Variants in MTREX observed in about 807,000 individuals in gnomAD.
MTREX encodes the protein exosome RNA helicase MTR4.
A neutral mutation model predicts 135.4 loss-of-function variants in MTREX; 76 were observed. That is an observed-to-expected ratio of 0.56 (90% CI 0.47 to 0.68). The LOEUF (loss-of-function observed/expected upper bound fraction) is 0.68, where lower values mean the gene tolerates loss of function less well. MTREX is among the 30% of genes least tolerant of loss of function. The probability of loss-of-function intolerance (pLI) is 0.00; values close to 1 mark genes in which losing one functional copy is unlikely to be tolerated. For missense variants in MTREX, 920 were observed against 1,262.1 expected (o/e 0.73, Z 4.11); for synonymous variants, 404 against 401.6 (o/e 1.01, Z -0.07).
At chr5:55,410,848 T>A (rs1173858810) in intron 23 of MTREX, among the ~76,000 whole-genome samples, 3 of 152,190 alleles carry the variant, frequency 2.0e-5, no homozygotes, top group African/African-American at 7.2e-5. Context: ...ACAATCACCA[T>A]TAATTAGATT....
At chr5:55,311,326 A>G (rs1166246019) in intron 1 of MTREX, among the ~76,000 whole-genome samples, 1 of 152,182 alleles carries the variant, frequency 6.6e-6, no homozygotes, top group Non-Finnish European at 1.5e-5. Flanking sequence ...CTGAATCTGC[A>G]GTGAGATGTC....
chr5:55,324,007 T>G, intron 2 of MTREX, 125 bp from the exon 3 acceptor site: 1 of 660,884 alleles, frequency 1.5e-6, no homozygotes, highest in Non-Finnish European at 2.7e-6. Context: ...ATAGCCAAAG[T>G]TTTTCCTATT....
rs1561216428 is a variant in MTREX at position 55,424,767 on chromosome 5, T to C, written c.3124T>C (p.Leu1042=). The part of the protein sequence containing the change: ...RDIVFAASLY[L] ...TATTGTGTTTGCTGCCAGCCTCTAC[T>C]TGTAGAGTCAGCTAAAGGAATGTGA... is the stretch of plus-strand genomic sequence containing the variant. Residue 1042 remains leucine, a synonymous_variant, in exon 27 of 27, where the codon TTG becomes CTG. Transcript: ENST00000230640. 1.2e-6 allele frequency: 2 copies of C among 1,608,292 alleles called. No homozygotes were observed. Among genetic ancestry groups the C allele is most frequent in the Non-Finnish European group, 1.7e-6 (2 of 1,174,720 alleles).
intron 22 of MTREX, among the ~76,000 whole-genome samples, chr5:55,408,917 T>TTTTATTTA (rs140029940): frequency 8.0e-4 from 115 of 144,328 alleles, no homozygotes; most frequent in East Asian, 3.6e-3. Context: ...TGAACAATAT[T>TTTTATTTA]TTTATTTATT....
chr5:55,412,395 A>G (rs982846250), intron 23 of MTREX, among the ~76,000 whole-genome samples: 5 of 152,246 alleles, frequency 3.3e-5, no homozygotes, highest in African/African-American at 1.2e-4. Context: ...AAGTGCATAC[A>G]AAAATTTATT....
At chr5:55,376,792 G>C (rs557910150) in intron 16 of MTREX, among the ~76,000 whole-genome samples, 6 of 152,234 alleles carry the variant, frequency 3.9e-5, no homozygotes, top group African/African-American at 1.4e-4. Flanking sequence ...TTTATAGGTC[G>C]GGTGTGGTGG....
In MTREX at chr5:55,425,373, G is replaced by A. The variant is rs758396057; in HGVS notation, c.*601G>A. 3.3e-6 allele frequency: 5 copies of A among 1,521,004 alleles called. No individual in the cohort carries two copies. The African/African-American group carries it at 7.0e-5, about 21-fold the overall frequency. The allele number at this position is 1,521,004 out of a possible 1,614,324, so 94.2% of individuals were successfully genotyped here. A position where few individuals can be genotyped will look rare whatever the true frequency, so the allele number is the denominator to read the frequency against. On this transcript the variant is annotated 3_prime_UTR_variant, in exon 27 of 27. Transcript: ENST00000230640. ...TATTTAATGGTATAATTTAGATCAA[G>A]TTAAAAACTACATACAAAGTTGTGA...
chr5:55,405,432 T>C lies in MTREX; in HGVS notation c.2489T>C (p.Ile830Thr). 1 of 1,612,420 alleles carries C rather than the reference T, an allele frequency of 6.2e-7. No individual in the cohort carries two copies. The highest frequency in any genetic ancestry group is 8.5e-7 in the Non-Finnish European group (1 of 1,178,684). The change falls in exon 22 of 27, where the codon ATA becomes ACA. Residue 830 changes from isoleucine to threonine, a missense_variant. Ile to Thr is a moderately conservative substitution (Grantham distance 89). Transcript: ENST00000230640. Reference sequence around the variant, plus strand: ...TACTTTCATGTGCTTTAGATTGCAATAGATATTAAATCTGCAAAGCGAGAA... The same window carrying C: ...TACTTTCATGTGCTTTAGATTGCAACAGATATTAAATCTGCAAAGCGAGAA... ...TLCEKKAQIAIDIKSAKRELK... is the reference protein window; with the variant it reads ...TLCEKKAQIATDIKSAKRELK...
In MTREX at chr5:55,338,790, T is replaced by C. The variant is rs1033244948; in HGVS notation, c.516-1220T>C. Among the ~76,000 whole-genome samples the C allele has an allele frequency of 7.3e-5, 10 of 137,432 alleles. No homozygotes were observed. The South Asian group carries it at 1.5e-3, about 20-fold the overall frequency. The allele number at this position is 137,432 out of a possible 152,430, so 90.2% of individuals were successfully genotyped here. On this transcript the variant is annotated intron_variant, in intron 5 of 26. Coordinates refer to ENST00000230640, the MANE Select transcript of MTREX (RefSeq NM_015360.5). The stretch of plus-strand genomic sequence containing the variant: ...TAATCTGTAGACTTTCTTTTTCTTT[T>C]TTTTTTTTTTTTTTTTTTGAGACAC...
At chr5:55,405,290 A>T in intron 21 of MTREX, 135 bp from the exon 22 acceptor site, 1 of 661,216 alleles carries the variant, frequency 1.5e-6, no homozygotes, top group Non-Finnish European at 2.5e-6. Context: ...CAGTCTCCCC[A>T]GCACTGAAGC....
intron 25 of MTREX, among the ~76,000 whole-genome samples, chr5:55,418,884 C>T (rs1305366290): frequency 2.0e-5 from 3 of 152,102 alleles, no homozygotes; most frequent in Admixed American, 6.5e-5. Context: ...GGCTCTGTCA[C>T]CCAGGCTGGA....
chr5:55,336,040 T>A (rs1749547998), intron 5 of MTREX, among the ~76,000 whole-genome samples: 1 of 152,192 alleles, frequency 6.6e-6, no homozygotes, highest in Admixed American at 6.5e-5. Flanking sequence ...AAGGTCATAT[T>A]TGGATTGCTA....
At chr5:55,338,062 A>C (rs1245618075) in intron 5 of MTREX, among the ~76,000 whole-genome samples, 5 of 152,184 alleles carry the variant, frequency 3.3e-5, no homozygotes, top group African/African-American at 1.2e-4. Flanking sequence ...CTAATAATAC[A>C]GTATCTGTAA....
intron 19 of MTREX, among the ~76,000 whole-genome samples, chr5:55,394,117 TCA>T (rs1750608658): frequency 2.6e-5 from 4 of 152,250 alleles, no homozygotes. Flanking sequence ...TGAAGGAAAT[TCA>T]CAGATACCTG....
intron 22 of MTREX, among the ~76,000 whole-genome samples, chr5:55,409,250 A>G (rs1287465973): frequency 6.6e-6 from 1 of 152,074 alleles, no homozygotes; most frequent in Non-Finnish European, 1.5e-5. Context: ...TGAACAATAT[A>G]TTTCTAGGGA....
Position 55,340,052 on chromosome 5 carries a change from A to G in MTREX, c.558A>G (p.Ile186Met). The G allele has an allele frequency of 1.3e-6, 2 of 1,592,024 alleles. No individual in the cohort carries two copies. The highest frequency in any genetic ancestry group is 2.3e-5 in the East Asian group (1 of 43,394). Reference sequence around the variant, plus strand: ...CCTTAAGGGAAAAGCAGCGTGTAATATTTACCAGCCCAATTAAGGCTCTGA... The same window carrying G: ...CCTTAAGGGAAAAGCAGCGTGTAATGTTTACCAGCCCAATTAAGGCTCTGA... ...ALALREKQRVIFTSPIKALSN... is the reference protein window; with the variant it reads ...ALALREKQRVMFTSPIKALSN... Residue 186 changes from isoleucine (I) to methionine (M), a missense_variant, in exon 6 of 27, where the codon ATA becomes ATG. Coordinates refer to ENST00000230640, the MANE Select transcript of MTREX (RefSeq NM_015360.5).
At chr5:55,363,970 G>A (rs1353248324) in intron 15 of MTREX, among the ~76,000 whole-genome samples, 1 of 152,106 alleles carries the variant, frequency 6.6e-6, no homozygotes, top group African/African-American at 2.4e-5. Flanking sequence ...AGCAATATAT[G>A]GCCCAGTGCT....
intron 21 of MTREX, among the ~76,000 whole-genome samples, chr5:55,403,789 TATAA>T (rs977238249): frequency 6.6e-6 from 1 of 152,214 alleles, no homozygotes; most frequent in Middle Eastern, 3.2e-3. Context: ...TTCATAGAAA[TATAA>T]ATAATCACTA....
At chr5:55,308,404 A>G (rs1022137040) in intron 1 of MTREX, among the ~76,000 whole-genome samples, 1 of 151,946 alleles carries the variant, frequency 6.6e-6, no homozygotes, top group Non-Finnish European at 1.5e-5. Flanking sequence ...TTCTGTCCCC[A>G]TCTTCGCGGT....
Sources: gnomAD v4.1 joint callset for allele counts (sites outside exome capture counted in the v4.1 genomes callset) on GRCh38, gnomAD v4.1.1 for gene constraint, MANE v1.5 for transcripts, NCBI Gene and HGNC (gene_info 2026-07-23, HGNC 2026-07-21) for gene names.